OSBPL10: variants seen among roughly 807,000 people sequenced by gnomAD.
OSBPL10 encodes the protein oxysterol-binding protein-related protein 10.
OSBPL10 carries 49 observed loss-of-function variants against 81.7 expected under a neutral mutation model. The observed-to-expected ratio is 0.60, with a 90% CI of 0.48 to 0.76. The LOEUF (loss-of-function observed/expected upper bound fraction) is 0.76. Ranked by LOEUF, OSBPL10 falls within the 30% of genes least tolerant of loss-of-function variation. The pLI is 0.00. For missense variants in OSBPL10, 923 were observed against 987.8 expected, an observed-to-expected ratio of 0.93 and a Z score of 0.88; for synonymous variants, 419 against 383.6, an observed-to-expected ratio of 1.09 and a Z score of -1.08.
chr3:31,897,994 C>A (rs910873158), intron 1 of OSBPL10, among the ~76,000 whole-genome samples: 2 of 106,654 alleles, frequency 1.9e-5, no homozygotes, highest in East Asian at 3.4e-4. Context: ...GGTGACACAG[C>A]GAGAACTCTG....
At chr3:31,982,300 T>A (rs1172078630), upstream of OSBPL10, among the ~76,000 whole-genome samples, 1 of 152,212 alleles carries the variant, frequency 6.6e-6, no homozygotes, top group Non-Finnish European at 1.5e-5. Flanking sequence ...ATATCCATTG[T>A]AATCTGAAGT....
At chr3:31,829,972 CG>C (rs1217311041) in intron 4 of OSBPL10, 67 bp downstream of exon 4, 6 of 1,443,086 alleles carry the variant, frequency 4.2e-6, no homozygotes, top group Middle Eastern at 2.6e-4. Context: ...GAAGAGGAGT[CG>C]GCAGAGCGAC....
chr3:32,001,715 A>G (rs4955220), intron 2 of OSBPL10, among the ~76,000 whole-genome samples: 18,354 of 151,960 alleles, frequency 0.12, 1,368 homozygotes, highest in East Asian at 0.32. Flanking sequence ...ATTGCTTCTC[A>G]GCCTTTTGGC....
chr3:31,970,635 G>T (rs1698531692), intron 1 of OSBPL10, among the ~76,000 whole-genome samples: 1 of 152,212 alleles, frequency 6.6e-6, no homozygotes, highest in African/African-American at 2.4e-5. Context: ...GGATAGCTTT[G>T]CAACACCCAC....
intron 11 of OSBPL10, 136 bp from the exon 12 acceptor site, chr3:31,662,252 T>C (rs186382849): frequency 9.0e-5 from 134 of 1,481,858 alleles, no homozygotes; most frequent in Middle Eastern, 5.0e-4. Context: ...CTGGCCTCAG[T>C]ACCCCTCCTC....
chr3:31,864,489 C>T (rs1320096291), intron 3 of OSBPL10, among the ~76,000 whole-genome samples: 1 of 152,138 alleles, frequency 6.6e-6, no homozygotes, highest in African/African-American at 2.4e-5. Flanking sequence ...ATCCACCTGC[C>T]TCAGCCTCCC....
At position 31,747,914 on chromosome 3, in the gene OSBPL10, G is replaced by T. The variant is rs755215002; in HGVS notation, c.936C>A (p.Ala312=). ...ACAAGCCCCCGGGGGTCTTACCCGA[G>T]GCTCCTGGCTTCTGGCTGGGCTGGC... ...QAGQPSQKPG[A]SENILGWHGS... The change falls in exon 5 of 12, where the codon GCC becomes GCA. Residue 312 remains alanine (A), a synonymous_variant. Transcript: ENST00000396556. 1.2e-6 allele frequency: 2 copies of T among 1,613,392 alleles called. No individual in the cohort carries two copies. Among genetic ancestry groups the T allele is most frequent in the South Asian group, 1.1e-5 (1 of 91,044 alleles).
At chr3:31,706,819 T>C (rs3828449) in intron 6 of OSBPL10, among the ~76,000 whole-genome samples, 91,490 of 152,028 alleles carry the variant, frequency 0.6, 29,228 homozygotes, top group Non-Finnish European at 0.73. Flanking sequence ...AAGCATGAAA[T>C]AGACATTTGT....
Position 32,060,892 on chromosome 3 carries a change from G to C in OSBPL10, n.186-14289C>G, listed in dbSNP as rs1217824780. Among the ~76,000 whole-genome samples the C allele has an allele frequency of 3.5e-5, 3 of 85,154 alleles. 1 individual carries two copies. The highest frequency in any genetic ancestry group is 8.9e-5 in the African/African-American group (3 of 33,528). The allele number at this position is 85,154 out of a possible 152,430, so 55.9% of individuals were successfully genotyped here. On this transcript the variant is annotated intron_variant and non_coding_transcript_variant, in intron 1 of 3. Coordinates refer to the OSBPL10 transcript ENST00000479173. Reference sequence around the variant, plus strand: ...GGAGGCTGAGGCGGGAGAACCGCTTGAACCTGGGAGGCGGAGGTTTCGGTG... The same window carrying C: ...GGAGGCTGAGGCGGGAGAACCGCTTCAACCTGGGAGGCGGAGGTTTCGGTG...
chr3:31,985,997 A>C (rs1015078512), upstream of OSBPL10, among the ~76,000 whole-genome samples: 2 of 152,184 alleles, frequency 1.3e-5, no homozygotes, highest in African/African-American at 2.4e-5. Flanking sequence ...ACTGAGCGTG[A>C]GTTCTTAGCC....
rs771333720 is a variant in OSBPL10, at chr3:31,830,012, C to T, written c.729+28G>A. The T allele has an allele frequency of 7.5e-6, 12 of 1,592,446 alleles. No individual in the cohort carries two copies. In the African/African-American group the frequency reaches 1.2e-4, roughly 16 times the overall value. On this transcript the variant is annotated intron_variant, in intron 4 of 11. Coordinates refer to ENST00000396556, the MANE Select transcript of OSBPL10 (RefSeq NM_017784.5). ...CACAGCCCCCAACTCCCCGGGGCTGCTTAACCTAGTAGGAGAGCAAAGCCT... is the reference window on the plus strand; with the variant it reads ...CACAGCCCCCAACTCCCCGGGGCTGTTTAACCTAGTAGGAGAGCAAAGCCT...
chr3:31,965,828 A>AATATATAATATATATTATT lies in OSBPL10; in HGVS notation c.281+15070_281+15071insAATAATATATATTATATAT, dbSNP rs1559535383. Among the ~76,000 whole-genome samples the AATATATAATATATATTATT allele has an allele frequency of 6.8e-4, 56 of 82,392 alleles. 1 individual carries two copies. Among genetic ancestry groups the AATATATAATATATATTATT allele is most frequent in the Admixed American group, 1.1e-3 (5 of 4,726 alleles). The allele number at this position is 82,392 out of a possible 152,430, so 54.1% of individuals were successfully genotyped here. ...TATTTATATAATATATATTATATAA[A>AATATATAATATATATTATT]TATATAATATATATTATATAAAAAG... is the stretch of plus-strand genomic sequence containing the variant. On this transcript the variant is annotated intron_variant, in intron 1 of 11. Coordinates refer to ENST00000396556, the MANE Select transcript of OSBPL10 (RefSeq NM_017784.5).
chr3:31,819,677 C>T (rs952905402), intron 4 of OSBPL10, among the ~76,000 whole-genome samples: 12 of 152,218 alleles, frequency 7.9e-5, no homozygotes, highest in African/African-American at 9.6e-5. Context: ...TGATAGTTGG[C>T]GGTCAAATTC....
chr3:32,035,407 C>T (rs1212669650), intron 2 of OSBPL10, among the ~76,000 whole-genome samples: 3 of 151,544 alleles, frequency 2.0e-5, no homozygotes, highest in African/African-American at 7.3e-5. Context: ...ACTAAAAATA[C>T]AAAAATTAGC....
chr3:31,917,521 A>C (rs138923662), intron 1 of OSBPL10, among the ~76,000 whole-genome samples: 106 of 150,314 alleles, frequency 7.1e-4, no homozygotes, highest in Admixed American at 2.1e-3. Flanking sequence ...CAAACCTCCT[A>C]CTCACAAGTA....
chr3:31,886,517 T>G lies in OSBPL10; in HGVS notation c.282-6687A>C, dbSNP rs1268027560. 9.8e-5 allele frequency among the ~76,000 whole-genome samples: 15 copies of G among 152,346 alleles called. No individual in the cohort carries two copies. The East Asian group carries it at 2.9e-3, about 29-fold the overall frequency. On this transcript the variant is annotated intron_variant, in intron 1 of 11. Coordinates refer to ENST00000396556, the MANE Select transcript of OSBPL10 (RefSeq NM_017784.5). ...CCTCCCTGCTGAGATCTGCCTCGCC[T>G]TCCTCAGGCCTCTATCTTCTGAGAC... is the stretch of plus-strand genomic sequence containing the variant.
chr3:31,840,243 A>T (rs1575577271), intron 3 of OSBPL10, among the ~76,000 whole-genome samples: 1 of 152,126 alleles, frequency 6.6e-6, no homozygotes, highest in East Asian at 1.9e-4. Context: ...GGGTCAAACC[A>T]GCCATGGGAT....
At position 31,668,740 on chromosome 3, in the gene OSBPL10, G is replaced by T. The variant is rs1559406582; in HGVS notation, c.1998C>A (p.Thr666=). 1 of 1,614,066 alleles carries T rather than the reference G, an allele frequency of 6.2e-7. No homozygotes were observed. The highest frequency in any genetic ancestry group is 8.5e-7 in the Non-Finnish European group (1 of 1,179,992). Residue 666 remains threonine (T), a synonymous_variant, in exon 10 of 12, where the codon ACC becomes ACA. Coordinates refer to ENST00000396556, the MANE Select transcript of OSBPL10 (RefSeq NM_017784.5). ...HGEWNGTLEF[T]YNNGETKVID... Reference sequence around the variant, plus strand: ...TGACTTTGGTTTCTCCATTGTTGTAGGTGAACTCTAAAGTACCATTCCATT... The same window carrying T: ...TGACTTTGGTTTCTCCATTGTTGTATGTGAACTCTAAAGTACCATTCCATT...
intron 2 of OSBPL10, among the ~76,000 whole-genome samples, chr3:32,010,704 G>T (rs1001434806): frequency 1.3e-5 from 2 of 152,204 alleles, no homozygotes; most frequent in African/African-American, 4.8e-5. Flanking sequence ...AAGGAACAGG[G>T]TGACAGATGG....
Sources: allele counts gnomAD v4.1 joint callset (sites outside exome capture counted in the v4.1 genomes callset), GRCh38; gene constraint gnomAD v4.1.1; transcripts MANE v1.5; gene names NCBI Gene and HGNC (gene_info 2026-07-23, HGNC 2026-07-21).